The following MBOAT7 variants were observed in gnomAD, a reference collection of about 807,000 sequenced individuals.
The protein encoded by MBOAT7 is membrane bound acylglycerophosphatidylinositol O-acyltransferase MBOAT7.
In MBOAT7, 40 loss-of-function variants were observed where a neutral mutation model predicts 47.4. That is an observed-to-expected ratio of 0.84 (90% confidence interval 0.66 to 1.10). The LOEUF is 1.10. Ranked by LOEUF, MBOAT7 falls within the 50% of genes least tolerant of loss-of-function variation. The pLI is 0.00. For missense variants in MBOAT7, 680 were observed against 655.6 expected (o/e 1.04, Z -0.41); for synonymous variants, 361 against 292.0 (o/e 1.24, Z -2.41).
chr19:54,187,572 G>A (rs886677291), intron 3 of MBOAT7, among the ~76,000 whole-genome samples: 3 of 152,274 alleles, frequency 2.0e-5, no homozygotes, highest in South Asian at 2.1e-4. Flanking sequence ...CTTTATTTCC[G>A]AGGTCCAGGG....
At chr19:54,181,157 G>T (rs140431223) in intron 5 of MBOAT7, 24 bp from the exon 6 acceptor site, 1 of 1,453,308 alleles carries the variant, frequency 6.9e-7, no homozygotes, top group South Asian at 1.5e-5. Flanking sequence ...AGGGAGGGCC[G>T]CGGTCAGACA....
At chr19:54,179,094 G>T in intron 6 of MBOAT7, 153 bp from the exon 7 acceptor site, 1 of 1,092,006 alleles carries the variant, frequency 9.2e-7, no homozygotes, top group South Asian at 1.6e-5. Flanking sequence ...CAGCAAGGGA[G>T]GGTGGCCCAG....
chr19:54,175,188 C>A (rs577472031), intron 7 of MBOAT7, among the ~76,000 whole-genome samples: 1 of 152,068 alleles, frequency 6.6e-6, no homozygotes, highest in South Asian at 2.1e-4. Flanking sequence ...CCGTGTTAGC[C>A]AGGATGGTCT....
intron 4 of MBOAT7, among the ~76,000 whole-genome samples, chr19:54,185,283 C>A (rs1397822103): frequency 6.6e-6 from 1 of 151,892 alleles, no homozygotes; most frequent in Non-Finnish European, 1.5e-5. Context: ...GTCTTAAACT[C>A]CTGGCCTCCA....
intron 5 of MBOAT7, 134 bp downstream of exon 5, chr19:54,183,387 A>T: frequency 9.5e-7 from 1 of 1,053,754 alleles, no homozygotes; most frequent in Non-Finnish European, 1.4e-6. Flanking sequence ...AGACCCAGAC[A>T]CATGCCCACC....
chr19:54,179,109 T>G, intron 6 of MBOAT7, 168 bp from the exon 7 acceptor site: 1 of 873,236 alleles, frequency 1.1e-6, no homozygotes, highest in Non-Finnish European at 1.7e-6. Flanking sequence ...GCCCAGAGGG[T>G]GCCTGTAGGG....
At chr19:54,178,535 G>A in intron 7 of MBOAT7, 2 of 1,422,584 alleles carry the variant, frequency 1.4e-6, no homozygotes, top group Middle Eastern at 2.6e-4. Flanking sequence ...TGCTTCTGCT[G>A]AGTGAGGCTG....
In MBOAT7 at chr19:54,183,489, A is replaced by C; in HGVS notation, c.493+32T>G. 4 of 1,599,508 alleles carry C rather than the reference A, an allele frequency of 2.5e-6. No homozygotes were observed. In the South Asian group the frequency reaches 4.5e-5, roughly 18 times the overall value. On this transcript the variant is annotated intron_variant, in intron 5 of 7. Coordinates refer to ENST00000245615, the MANE Select transcript of MBOAT7 (RefSeq NM_024298.5). ...GGGCGGAAGGGGACACAGGAGACAGAGCGGCAGAGTTGTTAGGGCAGCCCC... is the reference window on the plus strand; with the variant it reads ...GGGCGGAAGGGGACACAGGAGACAGCGCGGCAGAGTTGTTAGGGCAGCCCC...
At chr19:54,179,057 G>A in intron 6 of MBOAT7, 116 bp from the exon 7 acceptor site, 2 of 1,405,816 alleles carry the variant, frequency 1.4e-6, no homozygotes, top group Non-Finnish European at 1.9e-6. Context: ...CCAGGCAATG[G>A]CCCTCTGGCT....
chr19:54,175,195 G>T (rs1255594666), intron 7 of MBOAT7, among the ~76,000 whole-genome samples: 1 of 152,060 alleles, frequency 6.6e-6, no homozygotes, highest in African/African-American at 2.4e-5. Flanking sequence ...AGCCAGGATG[G>T]TCTCGATCTC....
chr19:54,174,687 A>C (rs1202859097), intron 7 of MBOAT7, among the ~76,000 whole-genome samples: 1 of 138,734 alleles, frequency 7.2e-6, no homozygotes, highest in Non-Finnish European at 1.6e-5. Context: ...CCAGGAGTCC[A>C]GACCCCACTT....
chr19:54,175,015 G>A (rs897648524), intron 7 of MBOAT7, among the ~76,000 whole-genome samples: 51 of 134,388 alleles, frequency 3.8e-4, no homozygotes, highest in Middle Eastern at 4.2e-3. Flanking sequence ...TCGCTCTGTC[G>A]CCCAGGCTAG....
Position 54,181,071 on chromosome 19 carries a change from G to T in MBOAT7, c.556C>A (p.Pro186Thr). Reference sequence around the variant, plus strand: ...CGGCGCAGCAGGGGCCGCAGGCTGGGCACTGCCCCGGGGAAGGGCTGCTCC... The same window carrying T: ...CGGCGCAGCAGGGGCCGCAGGCTGGTCACTGCCCCGGGGAAGGGCTGCTCC... ...WLEQPFPGAV[P>T]SLRPLLRRAW... Residue 186 changes from proline to threonine, a missense_variant, in exon 6 of 8, where the codon CCC becomes ACC. By Grantham distance (38) the Pro-to-Thr change is conservative (BLOSUM62 -1). Transcript: ENST00000245615. The T allele has an allele frequency of 6.5e-7, 1 of 1,530,276 alleles. No individual in the cohort carries two copies. Among genetic ancestry groups the T allele is most frequent in the Non-Finnish European group, 8.8e-7 (1 of 1,138,508 alleles). 94.8% of individuals were successfully genotyped at this position (1,530,276 alleles called of 1,614,324 possible).
At position 54,174,126 on chromosome 19, in the gene MBOAT7, G is replaced by GCCAGCC. The variant is rs769359319; in HGVS notation, c.1331_1336dup (p.Gly444_Leu445dup). ...CCGGCTGGGGCTGCCCCCACCTAAA[G>GCCAGCC]CCAGCCCCAGCCCCAGGGCTGCCAG... On this transcript the variant is annotated inframe_insertion, in exon 8 of 8. Transcript: ENST00000245615. 1.6e-5 allele frequency: 25 copies of GCCAGCC among 1,602,442 alleles called. No individual in the cohort carries two copies. The highest frequency in any genetic ancestry group is 9.0e-5 in the East Asian group (4 of 44,464).
intron 7 of MBOAT7, among the ~76,000 whole-genome samples, chr19:54,175,177 A>C (rs375821979): frequency 3.8e-4 from 58 of 152,008 alleles, no homozygotes; most frequent in Non-Finnish European, 6.6e-4. Context: ...ACGGGGTTTC[A>C]CCGTGTTAGC....
At chr19:54,176,973 G>A (rs2076124182) in intron 7 of MBOAT7, among the ~76,000 whole-genome samples, 1 of 151,986 alleles carries the variant, frequency 6.6e-6, no homozygotes, top group South Asian at 2.1e-4. Flanking sequence ...TGTAATCCCA[G>A]CACGTTGGGA....
In MBOAT7 at chr19:54,187,213, A is replaced by G; in HGVS notation, c.281T>C (p.Leu94Pro). The G allele has an allele frequency of 6.2e-7, 1 of 1,602,666 alleles. No individual in the cohort carries two copies. Among genetic ancestry groups the G allele is most frequent in the East Asian group, 2.3e-5 (1 of 44,426 alleles). ...LFFRALSLLG[L>P]PTPTPFTNAV... ...ATTGGTGAAGGGCGTGGGAGTGGGC[A>G]GGCCCAGGAGGCTGAGGGCTCGGAA... Residue 94 changes from leucine (L) to proline (P), a missense_variant, in exon 4 of 8, where the codon CTG becomes CCG. By Grantham distance (98) the Leu-to-Pro change is moderately conservative. Coordinates refer to ENST00000245615, the MANE Select transcript of MBOAT7 (RefSeq NM_024298.5).
chr19:54,177,928 T>G (rs1422629258), intron 7 of MBOAT7, among the ~76,000 whole-genome samples: 1 of 127,104 alleles, frequency 7.9e-6, no homozygotes, highest in Non-Finnish European at 1.7e-5. Flanking sequence ...TTTTTTTTTT[T>G]TTGAGACGGA....
At chr19:54,187,006 G>A (rs370465623) in intron 4 of MBOAT7, 155 bp downstream of exon 4, 47 of 910,662 alleles carry the variant, frequency 5.2e-5, no homozygotes, top group African/African-American at 3.7e-4. Flanking sequence ...CATGTGAATG[G>A]GGAATGCTGT....
Sources: gnomAD v4.1 joint callset for allele counts (sites outside exome capture counted in the v4.1 genomes callset) on GRCh38, gnomAD v4.1.1 for gene constraint, MANE v1.5 for transcripts, NCBI Gene and HGNC (gene_info 2026-07-23, HGNC 2026-07-21) for gene names.